PTPRG: variants seen among roughly 807,000 people sequenced by gnomAD.
PTPRG encodes the protein receptor-type tyrosine-protein phosphatase gamma.
PTPRG carries 102 observed loss-of-function variants against 165.3 expected under a neutral mutation model. The ratio of observed to expected loss-of-function variants is 0.62; its 90% CI spans 0.53 to 0.73. PTPRG has a LOEUF of 0.73. PTPRG is among the 30% of genes least tolerant of loss of function. PTPRG has a pLI of 0.00. For missense variants in PTPRG, 1,866 were observed against 1,861.4 expected (o/e 1.00, Z -0.05); for synonymous variants, 675 against 669.5 (o/e 1.01, Z -0.13).
chr3:62,085,458 G>C (rs1021028183), intron 5 of PTPRG, among the ~76,000 whole-genome samples: 1 of 152,176 alleles, frequency 6.6e-6, no homozygotes, highest in Non-Finnish European at 1.5e-5. Flanking sequence ...TTACTGTAAA[G>C]AGTATCTGGG....
At chr3:62,000,330 G>C (rs1374226136) in intron 3 of PTPRG, among the ~76,000 whole-genome samples, 1 of 151,436 alleles carries the variant, frequency 6.6e-6, no homozygotes, top group African/African-American at 2.4e-5. Context: ...ACTCCAAATG[G>C]TATCTTATTG....
intron 1 of PTPRG, among the ~76,000 whole-genome samples, chr3:61,563,622 C>G (rs754558336): frequency 3.3e-5 from 5 of 152,218 alleles, no homozygotes; most frequent in African/African-American, 4.8e-5. Context: ...CATCCATCAA[C>G]TCCTGCATAC....
At chr3:62,101,894 A>G (rs918331831) in intron 5 of PTPRG, among the ~76,000 whole-genome samples, 3 of 152,256 alleles carry the variant, frequency 2.0e-5, no homozygotes, top group Non-Finnish European at 4.4e-5. Context: ...ATTTTGCCGT[A>G]CACAAATAAA....
chr3:62,224,411 G>A lies in PTPRG; in HGVS notation c.2288+5428G>A, dbSNP rs1463447765. Among the ~76,000 whole-genome samples, 1 of 152,202 alleles carries A rather than the reference G, an allele frequency of 6.6e-6. No homozygotes were observed. ...CTCCCAAACTGGTGTAGCAGGGATAGAGAAGTTGAGGAGGCACCAAGCTCT... is the reference window on the plus strand; with the variant it reads ...CTCCCAAACTGGTGTAGCAGGGATAAAGAAGTTGAGGAGGCACCAAGCTCT... On this transcript the variant is annotated intron_variant, in intron 13 of 29. Coordinates refer to ENST00000474889, the MANE Select transcript of PTPRG (RefSeq NM_002841.4). This position sits in a 1 kb window ranked among gnomAD's most constrained non-coding sequence, Gnocchi z 4.9.
chr3:62,120,851 T>G (rs1398472916), intron 5 of PTPRG, among the ~76,000 whole-genome samples: 1 of 152,204 alleles, frequency 6.6e-6, no homozygotes, highest in Non-Finnish European at 1.5e-5. Flanking sequence ...TTGACCTGTC[T>G]ATAGCCAGAA....
intron 4 of PTPRG, among the ~76,000 whole-genome samples, chr3:62,017,300 G>A (rs981833044): frequency 6.6e-6 from 1 of 152,096 alleles, no homozygotes; most frequent in Admixed American, 6.5e-5. Flanking sequence ...TACCCCAAAA[G>A]TATGTCTTGT....
chr3:61,675,205 T>G (rs1703180535), intron 1 of PTPRG, among the ~76,000 whole-genome samples: 1 of 152,202 alleles, frequency 6.6e-6, no homozygotes, highest in Admixed American at 6.5e-5. Flanking sequence ...TATCTCTAAT[T>G]TTTTCCCCTT....
chr3:62,122,786 C>G (rs4398425), intron 5 of PTPRG, among the ~76,000 whole-genome samples: 43,658 of 152,014 alleles, frequency 0.29, 6,501 homozygotes, highest in Middle Eastern at 0.34. Context: ...ACTCTAGAAA[C>G]GGTGACATAG....
intron 2 of PTPRG, among the ~76,000 whole-genome samples, chr3:61,778,933 A>G (rs1055329370): frequency 1.3e-5 from 2 of 152,128 alleles, no homozygotes; most frequent in African/African-American, 4.8e-5. Flanking sequence ...GAATAGTGTG[A>G]CAATGAGGTC....
intron 1 of PTPRG, among the ~76,000 whole-genome samples, chr3:61,657,537 G>A (rs1245848559): frequency 6.6e-6 from 1 of 152,186 alleles, no homozygotes; most frequent in Non-Finnish European, 1.5e-5. Context: ...TACTCAGGAG[G>A]CTGAGGAGGG....
chr3:62,278,001 C>T (rs1052303604), intron 26 of PTPRG, among the ~76,000 whole-genome samples: 1 of 152,086 alleles, frequency 6.6e-6, no homozygotes, highest in African/African-American at 2.4e-5. Context: ...TGCTGTATGT[C>T]ACTTTTGAAA....
At chr3:62,159,233 A>AG (rs1358353798) in intron 7 of PTPRG, among the ~76,000 whole-genome samples, 2 of 151,898 alleles carry the variant, frequency 1.3e-5, no homozygotes, top group African/African-American at 4.8e-5. Context: ...TGGGAGGCTG[A>AG]GGGGGGAGGA....
At chr3:61,911,883 G>A (rs1347651961) in intron 2 of PTPRG, among the ~76,000 whole-genome samples, 1 of 152,116 alleles carries the variant, frequency 6.6e-6, no homozygotes, top group Non-Finnish European at 1.5e-5. Flanking sequence ...TAATTTCATT[G>A]TATTTTAATA....
At chr3:61,996,631 T>A (rs2041046705) in intron 3 of PTPRG, among the ~76,000 whole-genome samples, 1 of 152,206 alleles carries the variant, frequency 6.6e-6, no homozygotes. Flanking sequence ...CTGGTTAGCT[T>A]AAGGTTGCCC....
At chr3:62,068,290 C>T (rs1701087499) in intron 4 of PTPRG, among the ~76,000 whole-genome samples, 1 of 152,106 alleles carries the variant, frequency 6.6e-6, no homozygotes, top group East Asian at 1.9e-4. Flanking sequence ...GGGGCAGTGC[C>T]TGGCTCTTGT....
intron 2 of PTPRG, among the ~76,000 whole-genome samples, chr3:61,952,085 T>C (rs1043940425): frequency 7.6e-6 from 1 of 130,838 alleles, no homozygotes; most frequent in Non-Finnish European, 1.5e-5. Context: ...GCCACAGCAC[T>C]GCAGCCTGGC....
intron 4 of PTPRG, among the ~76,000 whole-genome samples, chr3:62,042,130 C>T (rs11130871): frequency 0.86 from 131,003 of 152,146 alleles, 57,142 homozygotes; most frequent in Non-Finnish European, 0.92. Context: ...ACTGCTGGCA[C>T]GCCAGTTGCT....
intron 1 of PTPRG, among the ~76,000 whole-genome samples, chr3:61,612,965 A>C (rs62244362): frequency 6.6e-6 from 1 of 151,844 alleles, no homozygotes; most frequent in Non-Finnish European, 1.5e-5. Flanking sequence ...GCTTGTCTCA[A>C]TCTCTCCCTC....
At chr3:62,159,446 AGGACCATTAACATATGCT>A (rs1391317712) in intron 7 of PTPRG, among the ~76,000 whole-genome samples, 1 of 152,228 alleles carries the variant, frequency 6.6e-6, no homozygotes, top group African/African-American at 2.4e-5. Context: ...GAGAGAAATA[AGGACCATTAACATATGCT>A]GGGTTTCATT....
Sources: allele counts gnomAD v4.1 joint callset (sites outside exome capture counted in the v4.1 genomes callset), GRCh38; gene constraint gnomAD v4.1.1; non-coding constraint Gnocchi (gnomAD v3.1); transcripts MANE v1.5; gene names NCBI Gene and HGNC (gene_info 2026-07-23, HGNC 2026-07-21).